The following ANO3 variants were observed in gnomAD, a reference collection of about 807,000 sequenced individuals.
The protein encoded by ANO3 is anoctamin 3.
Under a neutral mutation model 144.8 loss-of-function variants are expected in ANO3, and 99 were observed. That is an observed-to-expected ratio of 0.68 (90% CI 0.58 to 0.81). ANO3 has a LOEUF of 0.81. Ranked by LOEUF, ANO3 falls within the 30% of genes least tolerant of loss-of-function variation. The pLI, the probability that ANO3 is intolerant of heterozygous loss-of-function variation, is 0.00. For synonymous variants in ANO3, 414 were observed against 392.6 expected, an observed-to-expected ratio of 1.05 and a Z score of -0.64; for missense variants, 905 against 1,202.2, an observed-to-expected ratio of 0.75 and a Z score of 3.66.
At chr11:26,551,641 T>C (rs1849935886) in intron 12 of ANO3, among the ~76,000 whole-genome samples, 1 of 152,028 alleles carries the variant, frequency 6.6e-6, no homozygotes, top group Non-Finnish European at 1.5e-5. Flanking sequence ...CAAACTTCAA[T>C]ACCTTTTTAG....
chr11:26,570,581 ACT>A (rs1250739126), intron 14 of ANO3, among the ~76,000 whole-genome samples: 7 of 152,154 alleles, frequency 4.6e-5, no homozygotes, highest in Non-Finnish European at 8.8e-5. Context: ...GTTCAGGTAT[ACT>A]GCAGGCATAA....
At chr11:26,213,383 A>T (rs1851973999) in intron 1 of ANO3, among the ~76,000 whole-genome samples, 1 of 151,926 alleles carries the variant, frequency 6.6e-6, no homozygotes, top group Admixed American at 6.6e-5. Context: ...TAGAAGCCCC[A>T]TCATCTCAGC....
intron 4 of ANO3, among the ~76,000 whole-genome samples, chr11:26,464,191 G>A (rs563353025): frequency 7.3e-5 from 11 of 151,376 alleles, no homozygotes; most frequent in African/African-American, 1.9e-4. Flanking sequence ...AGGGATAATT[G>A]TGCCAGATTT....
At chr11:26,601,754 A>G (rs1322441096) in intron 17 of ANO3, among the ~76,000 whole-genome samples, 1 of 152,234 alleles carries the variant, frequency 6.6e-6, no homozygotes, top group Non-Finnish European at 1.5e-5. Flanking sequence ...TTCAGTAGAC[A>G]GAGGTTATTG....
chr11:26,277,598 A>G (rs1427905855), intron 1 of ANO3, among the ~76,000 whole-genome samples: 1 of 152,020 alleles, frequency 6.6e-6, no homozygotes, highest in African/African-American at 2.4e-5. Flanking sequence ...GCGCTAACCT[A>G]GAGAAGTCAT....
At chr11:26,548,944 T>C (rs1428323510) in intron 12 of ANO3, among the ~76,000 whole-genome samples, 1 of 51,064 alleles carries the variant, frequency 2.0e-5, no homozygotes, top group Non-Finnish European at 3.9e-5. Flanking sequence ...AGAGTTACAA[T>C]GAATTGGAAA....
chr11:26,291,241 T>C (rs1225348999), intron 1 of ANO3, among the ~76,000 whole-genome samples: 1 of 152,202 alleles, frequency 6.6e-6, no homozygotes, highest in African/African-American at 2.4e-5. Flanking sequence ...CCTTGCTTTT[T>C]TTTGTTTTCC....
intron 17 of ANO3, among the ~76,000 whole-genome samples, chr11:26,613,565 G>A (rs912483609): frequency 2.1e-4 from 32 of 152,020 alleles, no homozygotes; most frequent in African/African-American, 6.8e-4. Flanking sequence ...GCTGTTTCAC[G>A]TTTCTTGTGT....
chr11:26,565,510 C>T, intron 14 of ANO3: 1 of 1,613,276 alleles, frequency 6.2e-7, no homozygotes, highest in South Asian at 1.1e-5. Flanking sequence ...ACTTTAGAAA[C>T]AAAGCTATGG....
At chr11:26,614,285 C>T (rs2132976846) in intron 17 of ANO3, among the ~76,000 whole-genome samples, 1 of 152,314 alleles carries the variant, frequency 6.6e-6, no homozygotes, top group South Asian at 2.1e-4. Flanking sequence ...GCAGGCTGTT[C>T]AGCCACTTTC....
chr11:26,329,965 A>C (rs1006478623), upstream of ANO3, among the ~76,000 whole-genome samples: 2 of 152,050 alleles, frequency 1.3e-5, no homozygotes, highest in Non-Finnish European at 2.9e-5. Flanking sequence ...GGCGCCCGCC[A>C]CCGCCCGGCG....
At chr11:26,202,328 G>GATATATATA (rs919718372) in intron 1 of ANO3, among the ~76,000 whole-genome samples, 2 of 143,596 alleles carry the variant, frequency 1.4e-5, no homozygotes, top group Non-Finnish European at 3.0e-5. Context: ...AGATACATAT[G>GATATATATA]ATATATATAA....
At chr11:26,449,703 T>C (rs1365835796) in intron 3 of ANO3, among the ~76,000 whole-genome samples, 1 of 152,178 alleles carries the variant, frequency 6.6e-6, no homozygotes, top group Non-Finnish European at 1.5e-5. Flanking sequence ...GACCTCTATA[T>C]AGAGTATTTA....
chr11:26,195,277 T>A (rs1353294425), intron 1 of ANO3, among the ~76,000 whole-genome samples: 1 of 152,168 alleles, frequency 6.6e-6, no homozygotes, highest in East Asian at 1.9e-4. Context: ...ATTAGCAACA[T>A]GCAACAGTGT....
chr11:26,381,763 A>G (rs1217634708), intron 1 of ANO3, among the ~76,000 whole-genome samples: 1 of 152,156 alleles, frequency 6.6e-6, no homozygotes, highest in African/African-American at 2.4e-5. Context: ...ATGTCTGGAG[A>G]ATGACTTGTC....
chr11:26,584,779 A>G (rs771482244), intron 14 of ANO3, among the ~76,000 whole-genome samples: 12 of 152,310 alleles, frequency 7.9e-5, no homozygotes, highest in Non-Finnish European at 1.5e-4. Flanking sequence ...CACCTGCAGC[A>G]TCTAACCTCC....
chr11:26,199,266 C>T (rs1158794915), intron 1 of ANO3, among the ~76,000 whole-genome samples: 1 of 152,134 alleles, frequency 6.6e-6, no homozygotes, highest in Non-Finnish European at 1.5e-5. Context: ...TAGATGGAAA[C>T]TGAGCCTCAT....
At chr11:26,556,785 T>G (rs908268480) in intron 13 of ANO3, among the ~76,000 whole-genome samples, 11 of 152,154 alleles carry the variant, frequency 7.2e-5, no homozygotes, top group African/African-American at 2.7e-4. Context: ...ACCTTCAGCT[T>G]CAATTCTGAC....
At chr11:26,538,815 A>C (rs1849574219) in intron 10 of ANO3, among the ~76,000 whole-genome samples, 1 of 152,334 alleles carries the variant, frequency 6.6e-6, no homozygotes, top group East Asian at 1.9e-4. Flanking sequence ...AATACAAGAA[A>C]GTAAATTAGA....
Sources: gnomAD v4.1 joint callset for allele counts (sites outside exome capture counted in the v4.1 genomes callset) on GRCh38, gnomAD v4.1.1 for gene constraint, MANE v1.5 for transcripts, NCBI Gene and HGNC (gene_info 2026-07-23, HGNC 2026-07-21) for gene names.